LUZP1: variants seen among roughly 807,000 people sequenced by gnomAD.
LUZP1 encodes the protein filamin mechanobinding actin cross-linking protein.
In LUZP1, 25 loss-of-function variants were observed where a neutral mutation model predicts 71.3. The observed-to-expected ratio is 0.35, with a 90% CI of 0.26 to 0.49. The LOEUF (loss-of-function observed/expected upper bound fraction) is 0.49. Among genes scored for constraint, LUZP1 ranks in the 20% least tolerant of loss-of-function variants. The pLI is 0.99. For missense variants in LUZP1, 1,142 were observed against 1,300.8 expected (o/e 0.88, Z 1.88); for synonymous variants, 481 against 506.4 (o/e 0.95, Z 0.67).
At chr1:23,087,752 T>G (rs1643788379) in exon 5 of LUZP1, 1 of 152,668 alleles carries the variant, frequency 6.6e-6, no homozygotes, top group Non-Finnish European at 1.5e-5. Context: ...TTGCTGCATT[T>G]TGAACTATAT....
intron 3 of LUZP1, among the ~76,000 whole-genome samples, chr1:23,106,630 T>TA (rs943144329): frequency 6.0e-5 from 9 of 150,862 alleles, no homozygotes; most frequent in Non-Finnish European, 1.0e-4. Flanking sequence ...AAATTTAAAT[T>TA]AAAAAAAAAT....
chr1:23,087,214 T>C (rs592611), exon 5 of LUZP1: 115,438 of 152,098 alleles, frequency 0.76, 44,533 homozygotes, highest in Non-Finnish European at 0.83. Flanking sequence ...ACTTTGCAGA[T>C]TGGGAAACAG....
At chr1:23,092,742 G>C in exon 4 of LUZP1, 1 of 1,613,932 alleles carries the variant, frequency 6.2e-7, no homozygotes, top group Non-Finnish European at 8.5e-7. Flanking sequence ...CGTTCGTGTT[G>C]TCTTCTCCAC....
chr1:23,092,596 C>T, exon 4 of LUZP1: 1 of 1,614,208 alleles, frequency 6.2e-7, no homozygotes, highest in Non-Finnish European at 8.5e-7. Context: ...CCAGAGTTTG[C>T]AGCCTGAGTT....
chr1:23,151,828 C>G (rs1644387124), intron 2 of LUZP1, among the ~76,000 whole-genome samples: 1 of 151,866 alleles, frequency 6.6e-6, no homozygotes, highest in Non-Finnish European at 1.5e-5. Flanking sequence ...ATGGTGAAAC[C>G]CCATCTCTAA....
chr1:23,131,483 T>C (rs1355923472), intron 2 of LUZP1, among the ~76,000 whole-genome samples: 1 of 152,148 alleles, frequency 6.6e-6, no homozygotes, highest in Non-Finnish European at 1.5e-5. Flanking sequence ...CCAACTAGTA[T>C]GTAAACTCCA....
At chr1:23,115,404 T>C (rs1644069747) in intron 2 of LUZP1, among the ~76,000 whole-genome samples, 1 of 152,130 alleles carries the variant, frequency 6.6e-6, no homozygotes, top group Admixed American at 6.5e-5. Flanking sequence ...CAAAGAAGAG[T>C]ATAAACAAGA....
exon 5 of LUZP1, chr1:23,086,378 C>CA (rs1200648233): frequency 6.6e-6 from 1 of 152,642 alleles, no homozygotes; most frequent in Non-Finnish European, 1.5e-5. Context: ...CTATTGCACT[C>CA]AGATTTCAAG....
At position 23,167,098 on chromosome 1, in the gene LUZP1, G is replaced by T. The variant is rs541254529; in HGVS notation, c.-226+1668C>A. Among the ~76,000 whole-genome samples, 6 of 152,268 alleles carry T rather than the reference G, an allele frequency of 3.9e-5. No individual in the cohort carries two copies. In the South Asian group the frequency reaches 1.2e-3, roughly 32 times the overall value. ...AAAACAATTATTTCTGACAAAAGAAGAATTTTCTATGGGGGTAATTCAATT... is the reference window on the plus strand; with the variant it reads ...AAAACAATTATTTCTGACAAAAGAATAATTTTCTATGGGGGTAATTCAATT... On this transcript the variant is annotated intron_variant, in intron 2 of 4. Transcript: ENST00000302291.
intron 3 of LUZP1, among the ~76,000 whole-genome samples, chr1:23,105,155 G>T: frequency 6.6e-6 from 1 of 152,186 alleles, no homozygotes; most frequent in East Asian, 1.9e-4. Context: ...GGGTGCTATT[G>T]TAATAGTCAA....
intron 4 of LUZP1, chr1:23,090,764 C>G (rs1643839769): frequency 5.9e-6 from 4 of 672,476 alleles, no homozygotes; most frequent in Middle Eastern, 3.9e-4. Flanking sequence ...ACTTGCTGAC[C>G]TGGCTCCCCC....
At chr1:23,161,572 T>G (rs1291519185) in intron 2 of LUZP1, among the ~76,000 whole-genome samples, 1 of 152,064 alleles carries the variant, frequency 6.6e-6, no homozygotes, top group Non-Finnish European at 1.5e-5. Flanking sequence ...TGAGCAATAT[T>G]GTAAGACCCC....
Position 23,093,174 on chromosome 1 carries a change from G to A in LUZP1, c.1088C>T (p.Ala363Val). 6.2e-7 allele frequency: 1 copy of A among 1,614,136 alleles called. No individual in the cohort carries two copies. Among genetic ancestry groups the A allele is most frequent in the Non-Finnish European group, 8.5e-7 (1 of 1,180,018 alleles). ...ATGTCTGCCTTTGCTGGACAGGAAA[G>A]CATCTTCCCCTTCTACCTCTCCATT... is the stretch of plus-strand genomic sequence containing the variant. The change falls in exon 4 of 5, where the codon GCT (alanine) becomes GTT (valine). Residue 363 changes from alanine (A) to valine (V), a missense_variant. By Grantham distance (64) the Ala-to-Val change is moderately conservative (BLOSUM62 0). Coordinates refer to ENST00000302291, the Ensembl canonical transcript of LUZP1. This position sits in a 1 kb window ranked among gnomAD's most constrained non-coding sequence, Gnocchi z 4.2.
At chr1:23,162,023 C>CAAAAAAAAAAAAA (rs377371342) in intron 2 of LUZP1, among the ~76,000 whole-genome samples, 1 of 59,514 alleles carries the variant, frequency 1.7e-5, no homozygotes, top group African/African-American at 6.1e-5. Context: ...GAGACTGTCT[C>CAAAAAAAAAAAAA]AAAAAAAAAA....
At chr1:23,118,505 T>C (rs2124660498) in intron 2 of LUZP1, among the ~76,000 whole-genome samples, 1 of 152,336 alleles carries the variant, frequency 6.6e-6, no homozygotes, top group East Asian at 1.9e-4. Context: ...CTTACTAGAA[T>C]AGTTTCCTCA....
At chr1:23,129,929 A>T (rs2124683272) in intron 2 of LUZP1, among the ~76,000 whole-genome samples, 1 of 152,336 alleles carries the variant, frequency 6.6e-6, no homozygotes, top group Non-Finnish European at 1.5e-5. Context: ...ATAAATAAAT[A>T]AGCAGATTTA....
At chr1:23,162,873 C>A (rs957648217) in intron 2 of LUZP1, 2 of 151,948 alleles carry the variant, frequency 1.3e-5, no homozygotes, top group African/African-American at 4.8e-5. Flanking sequence ...TACGGCAGGT[C>A]TTGAATGAAA....
At chr1:23,129,220 C>T (rs1432014151) in intron 2 of LUZP1, among the ~76,000 whole-genome samples, 1 of 152,160 alleles carries the variant, frequency 6.6e-6, no homozygotes, top group East Asian at 1.9e-4. Flanking sequence ...CATCATTAGA[C>T]TCACCATTCT....
At chr1:23,139,377 A>G (rs1197289876) in intron 2 of LUZP1, among the ~76,000 whole-genome samples, 3 of 152,080 alleles carry the variant, frequency 2.0e-5, no homozygotes, top group African/African-American at 7.2e-5. Flanking sequence ...TACAAAGGGC[A>G]GAAGGAGGTA....
Sources: gnomAD v4.1 joint callset for allele counts (sites outside exome capture counted in the v4.1 genomes callset) on GRCh38, gnomAD v4.1.1 for gene constraint, Gnocchi (gnomAD v3.1) non-coding constraint, MANE v1.5 for transcripts, NCBI Gene and HGNC (gene_info 2026-07-23, HGNC 2026-07-21) for gene names.